IGF2BP2: variants seen among roughly 807,000 people sequenced by gnomAD.
IGF2BP2 encodes insulin-like growth factor 2 mRNA-binding protein 2.
In IGF2BP2, 17 loss-of-function variants were observed where a neutral mutation model predicts 75.8. The ratio of observed to expected loss-of-function variants is 0.22; its 90% CI spans 0.15 to 0.34. The LOEUF is 0.34. IGF2BP2 is among the 10% of genes least tolerant of loss of function. The pLI is 1.00. For synonymous variants in IGF2BP2, 288 were observed against 295.6 expected, an observed-to-expected ratio of 0.97 and a Z score of 0.26; for missense variants, 516 against 772.4, an observed-to-expected ratio of 0.67 and a Z score of 3.93.
chr3:185,675,890 A>G lies in IGF2BP2; in HGVS notation c.836T>C (p.Ile279Thr). ...TKLAEEIPLKILAHNGLVGRL... is the reference protein window; with the variant it reads ...TKLAEEIPLKTLAHNGLVGRL... ...TCCAACCAAGCCATTGTGTGCCAAG[A>G]TTTTCAGAGGAATCTCTTCGGCTCT... Residue 279 changes from isoleucine to threonine, a missense_variant, in exon 8 of 16, where the codon ATC becomes ACC. Ile to Thr is a moderately conservative substitution (Grantham distance 89, BLOSUM62 -1). This residue lies in a region of IGF2BP2 where 312 missense variants were observed against 474.5 expected (regional missense o/e 0.66). Transcript: ENST00000382199. The G allele has an allele frequency of 6.2e-7, 1 of 1,614,004 alleles. No homozygotes were observed. Among genetic ancestry groups the G allele is most frequent in the Non-Finnish European group, 8.5e-7 (1 of 1,179,968 alleles).
rs563772782 is a variant in IGF2BP2 at position 185,812,830 on chromosome 3, T to C, written c.239+10323A>G. 9.2e-5 allele frequency among the ~76,000 whole-genome samples: 14 copies of C among 152,358 alleles called. No individual in the cohort carries two copies. In the South Asian group the frequency reaches 2.3e-3, roughly 25 times the overall value. On this transcript the variant is annotated intron_variant, in intron 2 of 15. Transcript: ENST00000382199. Reference sequence around the variant, plus strand: ...ATCTCCTTGGAATCCTAAGGCTCTATGGAACAGTGTTTAATAAAAACTGCC... The same window carrying C: ...ATCTCCTTGGAATCCTAAGGCTCTACGGAACAGTGTTTAATAAAAACTGCC...
intron 2 of IGF2BP2, among the ~76,000 whole-genome samples, chr3:185,769,794 C>T (rs569720073): frequency 7.1e-6 from 1 of 141,046 alleles, no homozygotes; most frequent in Admixed American, 7.5e-5. Context: ...ACTGCCACTG[C>T]ACTCCCGCCT....
rs547321487 is a variant in IGF2BP2, at chr3:185,672,761, C to G, written c.1072-92G>C. On this transcript the variant is annotated intron_variant, in intron 9 of 15. Transcript: ENST00000382199. ...CCTCCCTCTCTTGTCTTAATGGCAC[C>G]AGCGTCTCCTAATCAGCTCTGCCCA... is the stretch of plus-strand genomic sequence containing the variant. 1.6e-5 allele frequency: 23 copies of G among 1,422,414 alleles called. No individual in the cohort carries two copies. The East Asian group carries it at 4.0e-4, about 25-fold the overall frequency. 88.1% of individuals were successfully genotyped at this position (1,422,414 alleles called of 1,614,324 possible).
chr3:185,667,447 A>C (rs576161751), intron 10 of IGF2BP2, among the ~76,000 whole-genome samples: 1 of 152,178 alleles, frequency 6.6e-6, no homozygotes, highest in Non-Finnish European at 1.5e-5. Context: ...GTGAACAGCT[A>C]CTGCACTCCA....
At chr3:185,712,072 A>G (rs1401401233) in intron 2 of IGF2BP2, among the ~76,000 whole-genome samples, 1 of 152,216 alleles carries the variant, frequency 6.6e-6, no homozygotes, top group Non-Finnish European at 1.5e-5. Context: ...GCCAGCACTG[A>G]ATCAGGAGAG....
At chr3:185,750,192 T>C (rs543212682) in intron 2 of IGF2BP2, among the ~76,000 whole-genome samples, 3 of 152,294 alleles carry the variant, frequency 2.0e-5, no homozygotes, top group South Asian at 2.1e-4. Context: ...TTATCTATTA[T>C]GTAGTGTGAA....
intron 2 of IGF2BP2, among the ~76,000 whole-genome samples, chr3:185,731,246 C>CT (rs760172663): frequency 0.1 from 13,093 of 129,206 alleles, 684 homozygotes; most frequent in East Asian, 0.14. Context: ...GCATCACTTT[C>CT]TTTTTTTTTT....
intron 2 of IGF2BP2, among the ~76,000 whole-genome samples, chr3:185,734,065 T>G (rs958662099): frequency 6.6e-6 from 1 of 152,158 alleles, no homozygotes; most frequent in African/African-American, 2.4e-5. Flanking sequence ...CTTAACCCCC[T>G]TACTTCGCCA....
chr3:185,666,081 T>C (rs1717578065), intron 10 of IGF2BP2, among the ~76,000 whole-genome samples: 1 of 152,162 alleles, frequency 6.6e-6, no homozygotes, highest in African/African-American at 2.4e-5. Flanking sequence ...CTAGAATTTC[T>C]AGACACCCAG....
intron 2 of IGF2BP2, among the ~76,000 whole-genome samples, chr3:185,760,066 T>C (rs1732150200): frequency 2.0e-5 from 3 of 152,182 alleles, no homozygotes; most frequent in African/African-American, 7.2e-5. Context: ...TACCAAACAT[T>C]AACAATGAAA....
At chr3:185,676,121 G>A (rs1044511812) in intron 7 of IGF2BP2, among the ~76,000 whole-genome samples, 2 of 152,164 alleles carry the variant, frequency 1.3e-5, no homozygotes, top group South Asian at 2.1e-4. Flanking sequence ...CTACTCCCTC[G>A]TAGTAGCTGG....
At chr3:185,675,013 T>A (rs986298241) in intron 9 of IGF2BP2, 1 of 160,298 alleles carries the variant, frequency 6.2e-6, no homozygotes, top group Non-Finnish European at 1.3e-5. Flanking sequence ...GCTTTTCTTT[T>A]TTTTTTTTTT....
In IGF2BP2 at chr3:185,824,861, C is replaced by G; in HGVS notation, c.100G>C (p.Val34Leu). ...AAGGCGTAGCCGGACTTCAGCAGGA[C>G]CTGTCCCGCCAGGGGCAGCTTCCTG... Reference protein sequence around the residue: ...GDRKLPLAGQVLLKSGYAFVD... With the variant: ...GDRKLPLAGQLLLKSGYAFVD... Residue 34 changes from valine (V) to leucine (L), a missense_variant, in exon 1 of 16, where the codon GTC becomes CTC. By Grantham distance (32) the Val-to-Leu change is conservative. Transcript: ENST00000382199. The G allele has an allele frequency of 6.4e-7, 1 of 1,560,140 alleles. No individual in the cohort carries two copies. The highest frequency in any genetic ancestry group is 2.5e-5 in the East Asian group (1 of 40,276).
intron 2 of IGF2BP2, among the ~76,000 whole-genome samples, chr3:185,778,259 A>ACACACACCCC (rs1734770845): frequency 6.6e-6 from 1 of 152,150 alleles, no homozygotes; most frequent in Non-Finnish European, 1.5e-5. Context: ...CACGGCACTC[A>ACACACACCCC]CACACACCCC....
chr3:185,787,597 G>A (rs1736074102), intron 2 of IGF2BP2, among the ~76,000 whole-genome samples: 1 of 152,126 alleles, frequency 6.6e-6, no homozygotes, highest in African/African-American at 2.4e-5. Context: ...GCTGGGCGTG[G>A]TAGTGGGAGC....
At chr3:185,739,570 G>C (rs1293914005) in intron 2 of IGF2BP2, among the ~76,000 whole-genome samples, 1 of 152,096 alleles carries the variant, frequency 6.6e-6, no homozygotes, top group Non-Finnish European at 1.5e-5. Flanking sequence ...ATTTGGCCAG[G>C]AGCAGACACA....
chr3:185,712,165 C>T (rs1246085542), intron 2 of IGF2BP2, among the ~76,000 whole-genome samples: 1 of 152,192 alleles, frequency 6.6e-6, no homozygotes, highest in Non-Finnish European at 1.5e-5. Flanking sequence ...AGAAGTGCAA[C>T]TGTCAAACCA....
intron 3 of IGF2BP2, 82 bp downstream of exon 3, chr3:185,698,217 G>T: frequency 8.4e-7 from 1 of 1,187,974 alleles, no homozygotes; most frequent in Non-Finnish European, 1.3e-6. Context: ...AAACACTGAG[G>T]CCCTCTAATT....
intron 7 of IGF2BP2, among the ~76,000 whole-genome samples, chr3:185,676,732 G>GTATA (rs1396900593): frequency 3.1e-5 from 4 of 129,332 alleles, no homozygotes; most frequent in East Asian, 4.3e-4. Flanking sequence ...ATATGGAGAT[G>GTATA]TATATATATA....
Sources: allele counts gnomAD v4.1 joint callset (sites outside exome capture counted in the v4.1 genomes callset), GRCh38; gene constraint gnomAD v4.1.1; regional missense constraint gnomAD v4.1.1; transcripts MANE v1.5; gene names NCBI Gene and HGNC (gene_info 2026-07-23, HGNC 2026-07-21).